Variants in WDR7 observed in about 807,000 individuals in gnomAD.
WDR7 encodes WD repeat-containing protein 7.
Under a neutral mutation model 169.4 loss-of-function variants are expected in WDR7, and 46 were observed. That is an observed-to-expected ratio of 0.27 (90% CI 0.21 to 0.35). The LOEUF (loss-of-function observed/expected upper bound fraction) is 0.35, where lower values mean the gene tolerates loss of function less well. Among genes scored for constraint, WDR7 ranks in the 10% least tolerant of loss-of-function variants. WDR7 has a pLI of 1.00. For missense variants in WDR7, 1,534 were observed against 1,859.3 expected, an observed-to-expected ratio of 0.83 and a Z score of 3.22; for synonymous variants, 612 against 666.8, an observed-to-expected ratio of 0.92 and a Z score of 1.27.
At chr18:56,903,407 TTTA>T (rs2046430389) in intron 21 of WDR7, among the ~76,000 whole-genome samples, 1 of 152,008 alleles carries the variant, frequency 6.6e-6, no homozygotes, top group Non-Finnish European at 1.5e-5. Context: ...TCATTTTATT[TTTA>T]TTATTTATTT....
At chr18:56,847,085 T>A (rs2045579327) in intron 20 of WDR7, among the ~76,000 whole-genome samples, 1 of 152,094 alleles carries the variant, frequency 6.6e-6, no homozygotes, top group Non-Finnish European at 1.5e-5. Context: ...CTAAGAGACT[T>A]TTTAAGTGGT....
chr18:56,871,072 T>C (rs1265727966), intron 20 of WDR7, among the ~76,000 whole-genome samples: 6 of 152,092 alleles, frequency 3.9e-5, no homozygotes, highest in African/African-American at 1.4e-4. Context: ...GGTCTGAAAA[T>C]AGAAATCTTT....
intron 25 of WDR7, among the ~76,000 whole-genome samples, chr18:56,951,034 G>T (rs2047173302): frequency 6.6e-6 from 1 of 152,040 alleles, no homozygotes; most frequent in Non-Finnish European, 1.5e-5. Context: ...CAGAACTTTT[G>T]TTGTTGCTAT....
intron 12 of WDR7, among the ~76,000 whole-genome samples, chr18:56,707,594 A>T (rs2025989117): frequency 1.3e-5 from 2 of 152,144 alleles, no homozygotes; most frequent in Non-Finnish European, 2.9e-5. Context: ...GAGAAGCCCA[A>T]ACTGGGTCAT....
intron 19 of WDR7, among the ~76,000 whole-genome samples, chr18:56,785,459 A>G (rs1599041592): frequency 6.6e-6 from 1 of 152,226 alleles, no homozygotes; most frequent in African/African-American, 2.4e-5. Context: ...ACAAAATGCA[A>G]TAATTCCCTA....
intron 20 of WDR7, among the ~76,000 whole-genome samples, chr18:56,876,306 A>G (rs1265089204): frequency 6.6e-6 from 1 of 152,186 alleles, no homozygotes; most frequent in African/African-American, 2.4e-5. Flanking sequence ...TGGGTGGATT[A>G]GTATTAGAAA....
intron 13 of WDR7, among the ~76,000 whole-genome samples, chr18:56,725,713 A>T (rs1279787726): frequency 6.6e-6 from 1 of 152,108 alleles, no homozygotes; most frequent in Admixed American, 6.5e-5. Context: ...GGTGTTTTAG[A>T]CATGAAGTCC....
intron 16 of WDR7, among the ~76,000 whole-genome samples, 184 bp from the exon 17 acceptor site, chr18:56,776,598 A>G (rs528193325): frequency 6.6e-6 from 1 of 152,342 alleles, no homozygotes; most frequent in African/African-American, 2.4e-5. Context: ...ACTGTTCAAT[A>G]AAATATATCA....
At chr18:56,849,954 T>G (rs1343756040) in intron 20 of WDR7, among the ~76,000 whole-genome samples, 1 of 152,220 alleles carries the variant, frequency 6.6e-6, no homozygotes, top group Non-Finnish European at 1.5e-5. Context: ...TCTGCTCCTG[T>G]GTGCCTCCAT....
chr18:56,965,916 T>C (rs1310251739), intron 26 of WDR7, among the ~76,000 whole-genome samples: 1 of 152,182 alleles, frequency 6.6e-6, no homozygotes, highest in East Asian at 1.9e-4. Context: ...TTAATATAAT[T>C]AACTTTGTAT....
At chr18:56,728,501 A>G (rs547334701) in intron 13 of WDR7, among the ~76,000 whole-genome samples, 163 of 152,224 alleles carry the variant, frequency 1.1e-3, no homozygotes, top group African/African-American at 3.9e-3. Context: ...CTTTTTATCC[A>G]TCCTGGCTGA....
intron 26 of WDR7, among the ~76,000 whole-genome samples, chr18:56,967,241 C>T (rs1016269891): frequency 6.6e-6 from 1 of 151,380 alleles, no homozygotes; most frequent in African/African-American, 2.5e-5. Flanking sequence ...TTCCTTTCTG[C>T]AGGCTGTTCT....
At chr18:56,714,211 A>G (rs1332227341) in intron 12 of WDR7, among the ~76,000 whole-genome samples, 1 of 152,066 alleles carries the variant, frequency 6.6e-6, no homozygotes, top group African/African-American at 2.4e-5. Context: ...AAAGAAGAAA[A>G]ATTAGATTTA....
chr18:56,776,672 T>G, intron 16 of WDR7, 110 bp from the exon 17 acceptor site: 1 of 841,620 alleles, frequency 1.2e-6, no homozygotes, highest in Non-Finnish European at 2.0e-6. Context: ...AGTTCTACAT[T>G]CTCTGTTTTG....
chr18:56,983,575 AG>A (rs1269306548), intron 26 of WDR7, among the ~76,000 whole-genome samples: 2 of 22,622 alleles, frequency 8.8e-5, no homozygotes, highest in African/African-American at 1.4e-3. Flanking sequence ...ACACACAGAG[AG>A]AGAGAGAGAG....
chr18:56,769,219 C>CTT (rs751577805), intron 16 of WDR7, among the ~76,000 whole-genome samples: 2,025 of 142,710 alleles, frequency 0.014, 45 homozygotes, highest in African/African-American at 0.049. Flanking sequence ...GGCTTTTCTG[C>CTT]TTTTTTTTTT....
rs1407690505 is a variant in WDR7, at chr18:56,756,986, A to T, written c.2393A>T (p.Asp798Val). Residue 798 changes from aspartate (D) to valine (V), a missense_variant, in exon 15 of 28, where the codon GAC becomes GTC. Physicochemically the swap from Asp to Val is radical, Grantham distance 152. Transcript: ENST00000254442. ...CTATTAGAATATAATTTAACTATGG[A>T]CACTGCAAAGCTGTTTATGTCCTGC... ...LTLLEYNLTM[D>V]TAKLFMSCLH... 1 of 1,614,158 alleles carries T rather than the reference A, an allele frequency of 6.2e-7. No individual in the cohort carries two copies. Among genetic ancestry groups the T allele is most frequent in the East Asian group, 2.2e-5 (1 of 44,884 alleles).
At position 56,690,891 on chromosome 18, in the gene WDR7, C is replaced by T. The variant is rs529744704; in HGVS notation, c.718-325C>T. Reference sequence around the variant, plus strand: ...AGCCTGTATATTTGAGGTTGATTCCCTATTATTTGCAATTCTTTAATGGAA... The same window carrying T: ...AGCCTGTATATTTGAGGTTGATTCCTTATTATTTGCAATTCTTTAATGGAA... On this transcript the variant is annotated intron_variant, in intron 7 of 27. Transcript: ENST00000254442. 1.2e-4 allele frequency among the ~76,000 whole-genome samples: 19 copies of T among 152,186 alleles called. No homozygotes were observed. The South Asian group carries it at 3.1e-3, about 25-fold the overall frequency.
intron 16 of WDR7, among the ~76,000 whole-genome samples, chr18:56,775,770 GA>G (rs1247848711): frequency 6.6e-6 from 1 of 151,642 alleles, no homozygotes; most frequent in Non-Finnish European, 1.5e-5. Flanking sequence ...TGGAAATTAT[GA>G]AAAAGTTGTT....
Sources: gnomAD v4.1 joint callset for allele counts (sites outside exome capture counted in the v4.1 genomes callset) on GRCh38, gnomAD v4.1.1 for gene constraint, MANE v1.5 for transcripts, NCBI Gene and HGNC (gene_info 2026-07-23, HGNC 2026-07-21) for gene names.